The following FAM20A variants were observed in gnomAD, a reference collection of about 807,000 sequenced individuals.
FAM20A encodes pseudokinase FAM20A.
A neutral mutation model predicts 52.0 loss-of-function variants in FAM20A; 42 were observed. The ratio of observed to expected loss-of-function variants is 0.81; its 90% CI spans 0.63 to 1.04. The LOEUF (loss-of-function observed/expected upper bound fraction) is 1.04. FAM20A is among the 50% of genes least tolerant of loss of function. The pLI is 0.00. For missense variants in FAM20A, 742 were observed against 712.7 expected (o/e 1.04, Z -0.47); for synonymous variants, 304 against 298.9 (o/e 1.02, Z -0.18).
intron 1 of FAM20A, among the ~76,000 whole-genome samples, chr17:68,588,042 C>A (rs1381228191): frequency 6.6e-6 from 1 of 151,940 alleles, no homozygotes; most frequent in Admixed American, 6.6e-5. Flanking sequence ...TTCATCCAAC[C>A]ACAGCATCTG....
intron 10 of FAM20A, among the ~76,000 whole-genome samples, chr17:68,538,689 A>G (rs1478683540): frequency 1.3e-5 from 2 of 152,246 alleles, no homozygotes; most frequent in African/African-American, 4.8e-5. Context: ...GCCGATATGA[A>G]TGCTGGGCAA....
chr17:68,549,991 T>A (rs1213956741), intron 4 of FAM20A, among the ~76,000 whole-genome samples: 1 of 152,192 alleles, frequency 6.6e-6, no homozygotes, highest in Non-Finnish European at 1.5e-5. Flanking sequence ...ACCACTTTGT[T>A]TTGTTTGGGA....
At chr17:68,569,377 C>G (rs764792953) in intron 1 of FAM20A, among the ~76,000 whole-genome samples, 1 of 152,194 alleles carries the variant, frequency 6.6e-6, no homozygotes, top group Non-Finnish European at 1.5e-5. Flanking sequence ...CTGGAAGTTC[C>G]ACTGGGACTC....
intron 1 of FAM20A, chr17:68,557,564 G>A (rs1259191420): frequency 6.6e-6 from 1 of 152,126 alleles, no homozygotes; most frequent in Non-Finnish European, 1.5e-5. Flanking sequence ...CCAGCGCCCT[G>A]GTATTGGACT....
At chr17:68,578,014 C>A (rs2087822738) in intron 1 of FAM20A, among the ~76,000 whole-genome samples, 1 of 152,044 alleles carries the variant, frequency 6.6e-6, no homozygotes, top group Admixed American at 6.6e-5. Flanking sequence ...ACCACACACA[C>A]ACACACACAC....
chr17:68,560,278 G>T lies in FAM20A; in HGVS notation c.405-4535C>A, dbSNP rs536622099. ...GAGAATCGCTTGAACCTGGGAGGTG[G>T]AGGTTGCAGTGAGCTGAGATCACGC... On this transcript the variant is annotated intron_variant, in intron 1 of 10. Coordinates refer to ENST00000592554, the MANE Select transcript of FAM20A (RefSeq NM_017565.4). Among the ~76,000 whole-genome samples, 240 of 151,778 alleles carry T rather than the reference G, an allele frequency of 1.6e-3. 1 individual carries two copies. The highest frequency in any genetic ancestry group is 5.7e-3 in the African/African-American group (236 of 41,374).
intron 3 of FAM20A, among the ~76,000 whole-genome samples, chr17:68,554,150 A>G (rs949555907): frequency 6.6e-6 from 1 of 151,584 alleles, no homozygotes; most frequent in Non-Finnish European, 1.5e-5. Flanking sequence ...ATATATTTTT[A>G]GCTGGAGTCT....
At chr17:68,541,165 C>T (rs977199080) in intron 7 of FAM20A, 2 of 609,424 alleles carry the variant, frequency 3.3e-6, no homozygotes, top group Admixed American at 6.1e-5. Flanking sequence ...TCCTTTAAGT[C>T]TGGTGGACAC....
At chr17:68,541,424 C>T (rs1210397229) in intron 7 of FAM20A, 1 of 213,894 alleles carries the variant, frequency 4.7e-6, no homozygotes, top group Non-Finnish European at 9.6e-6. Flanking sequence ...CACAGAGTCC[C>T]TTAGGATCTG....
intron 8 of FAM20A, chr17:68,540,465 G>C (rs917063911): frequency 8.5e-6 from 4 of 469,206 alleles, no homozygotes; most frequent in Admixed American, 4.7e-5. Flanking sequence ...GGCCTGGAAG[G>C]TGGAATTACT....
At chr17:68,582,101 C>T (rs1436295052) in intron 1 of FAM20A, among the ~76,000 whole-genome samples, 1 of 152,126 alleles carries the variant, frequency 6.6e-6, no homozygotes, top group African/African-American at 2.4e-5. Flanking sequence ...CTCCAGGGAG[C>T]AGAGATTAGC....
rs1160532117 is a variant in FAM20A at position 68,537,848 on chromosome 17, C to T, written c.1362-107G>A. On this transcript the variant is annotated intron_variant, in intron 10 of 10. Transcript: ENST00000592554. This position sits in a 1 kb window ranked among gnomAD's most constrained non-coding sequence, Gnocchi z 4.2. The stretch of plus-strand genomic sequence containing the variant: ...GTTGTAGCTGATACTCTTGGCGCCT[C>T]TCCTTGTGTCTTCTCAGGCACATTT... The T allele has an allele frequency of 3.2e-6, 4 of 1,238,030 alleles. No individual in the cohort carries two copies. In the Admixed American group the frequency reaches 6.0e-5, roughly 18 times the overall value. The allele number at this position is 1,238,030 out of a possible 1,614,324, so 76.7% of individuals were successfully genotyped here.
chr17:68,580,136 A>G (rs1235639055), intron 1 of FAM20A, among the ~76,000 whole-genome samples: 1 of 152,252 alleles, frequency 6.6e-6, no homozygotes, highest in Non-Finnish European at 1.5e-5. Flanking sequence ...ATAAGTGGAA[A>G]GGAGGAATAA....
intron 1 of FAM20A, among the ~76,000 whole-genome samples, chr17:68,598,388 G>T (rs777600504): frequency 6.6e-6 from 1 of 152,122 alleles, no homozygotes; most frequent in Non-Finnish European, 1.5e-5. Flanking sequence ...ATCCAGTTTG[G>T]GTGGAAGGAG....
intron 3 of FAM20A, among the ~76,000 whole-genome samples, chr17:68,554,349 C>T (rs919516940): frequency 1.3e-5 from 2 of 152,146 alleles, no homozygotes; most frequent in Non-Finnish European, 2.9e-5. Context: ...GATCCACCCG[C>T]CTCGGACTCC....
chr17:68,542,644 T>A (rs1267470314), intron 6 of FAM20A, 50 bp downstream of exon 6: 2 of 1,420,668 alleles, frequency 1.4e-6, no homozygotes, highest in Non-Finnish European at 2.0e-6. Context: ...GTGGACACTC[T>A]GGCTTACGAT....
At chr17:68,546,942 G>A (rs2086601439) in intron 4 of FAM20A, among the ~76,000 whole-genome samples, 1 of 152,218 alleles carries the variant, frequency 6.6e-6, no homozygotes, top group South Asian at 2.1e-4. Flanking sequence ...AGTCTCCTCG[G>A]ACATCTCCAG....
At chr17:68,592,391 C>T (rs1367304189) in intron 1 of FAM20A, among the ~76,000 whole-genome samples, 1 of 152,130 alleles carries the variant, frequency 6.6e-6, no homozygotes, top group East Asian at 1.9e-4. Flanking sequence ...AAAAAAATTC[C>T]GTTTCAACTG....
chr17:68,543,581 A>G (rs2086409825), intron 5 of FAM20A, 48 bp downstream of exon 5: 19 of 1,547,742 alleles, frequency 1.2e-5, no homozygotes, highest in Non-Finnish European at 1.5e-5. Context: ...CCCCTCCCAG[A>G]GGATTGGTCC....
Sources: gnomAD v4.1 joint callset for allele counts (sites outside exome capture counted in the v4.1 genomes callset) on GRCh38, gnomAD v4.1.1 for gene constraint, Gnocchi (gnomAD v3.1) non-coding constraint, MANE v1.5 for transcripts, NCBI Gene and HGNC (gene_info 2026-07-23, HGNC 2026-07-21) for gene names.